The following ZNF596 variants were observed in gnomAD, a reference collection of about 807,000 sequenced individuals.
ZNF596 encodes zinc finger protein 596.
ZNF596 carries 45 observed loss-of-function variants against 48.3 expected under a neutral mutation model. The observed-to-expected ratio is 0.93, with a 90% CI of 0.73 to 1.19. ZNF596 has a LOEUF of 1.19. ZNF596 is among the 50% of genes most tolerant of loss of function. The probability of loss-of-function intolerance (pLI) is 0.00; values close to 1 mark genes in which losing one functional copy is unlikely to be tolerated. For synonymous variants in ZNF596, 270 were observed against 202.0 expected, an observed-to-expected ratio of 1.34 and a Z score of -2.85; for missense variants, 848 against 599.7, an observed-to-expected ratio of 1.41 and a Z score of -4.32.
chr8:237,625 G>A (rs1360834201), intron 1 of ZNF596: 1 of 152,168 alleles, frequency 6.6e-6, no homozygotes, highest in Non-Finnish European at 1.5e-5. Context: ...TACTATTTAT[G>A]TATGTGTGAT....
rs1157663254 is a variant in ZNF596 at position 246,052 on chromosome 8, A to G, written c.1205A>G (p.Glu402Gly). Reference protein sequence around the residue: ...ECHVCGKAFTESSDLRRHERT... With the variant: ...ECHVCGKAFTGSSDLRRHERT... ...CATGTATGTGGGAAAGCCTTCACTG[A>G]ATCTTCTGACCTCAGACGACATGAG... The change falls in exon 6 of 6, where the codon GAA becomes GGA. Residue 402 changes from glutamate (E) to glycine (G), a missense_variant. Coordinates refer to ENST00000398612, the MANE Select transcript of ZNF596 (RefSeq NM_001042416.3). The G allele has an allele frequency of 1.2e-6, 2 of 1,614,146 alleles. No homozygotes were observed. The highest frequency in any genetic ancestry group is 1.7e-6 in the Non-Finnish European group (2 of 1,180,016).
At chr8:234,260 T>A (rs1796538574) in intron 1 of ZNF596, 1 of 152,146 alleles carries the variant, frequency 6.6e-6, no homozygotes, top group African/African-American at 2.4e-5. Flanking sequence ...GACCAGTTGA[T>A]ATACCCACAG....
At chr8:239,893 C>T (rs1796780374) in intron 1 of ZNF596, among the ~76,000 whole-genome samples, 1 of 152,138 alleles carries the variant, frequency 6.6e-6, no homozygotes. Flanking sequence ...GTGATCACCC[C>T]CCATCCTAGA....
At chr8:238,628 C>CATAA (rs1325603338) in intron 1 of ZNF596, among the ~76,000 whole-genome samples, 11 of 39,882 alleles carry the variant, frequency 2.8e-4, no homozygotes, top group African/African-American at 6.6e-4. Flanking sequence ...TGGTGAAATA[C>CATAA]AAAAAAAAAA....
Position 246,890 on chromosome 8 carries a change from T to C in ZNF596, c.*528T>C, listed in dbSNP as rs991360193. ...CCTCTTGAACAATTCCAGACATTCATAGTGGAGAAGTTATTCAATGAAAAC... is the reference window on the plus strand; with the variant it reads ...CCTCTTGAACAATTCCAGACATTCACAGTGGAGAAGTTATTCAATGAAAAC... On this transcript the variant is annotated 3_prime_UTR_variant, in exon 6 of 6. Coordinates refer to ENST00000398612, the MANE Select transcript of ZNF596 (RefSeq NM_001042416.3). 6.5e-6 allele frequency: 1 copy of C among 154,016 alleles called. No homozygotes were observed. The highest frequency in any genetic ancestry group is 1.4e-5 in the Non-Finnish European group (1 of 69,360). 9.5% of individuals were successfully genotyped at this position (154,016 alleles called of 1,614,324 possible).
chr8:242,541 G>C (rs1230468650), intron 2 of ZNF596, among the ~76,000 whole-genome samples: 1 of 152,190 alleles, frequency 6.6e-6, no homozygotes, highest in Non-Finnish European at 1.5e-5. Context: ...TGAGTCTATA[G>C]ATTTTCTTGA....
At chr8:239,125 AAG>A (rs1796745304) in intron 1 of ZNF596, among the ~76,000 whole-genome samples, 1 of 152,166 alleles carries the variant, frequency 6.6e-6, no homozygotes, top group Non-Finnish European at 1.5e-5. Flanking sequence ...CAAGTAGAAA[AAG>A]AATTTTTTAA....
intron 1 of ZNF596, among the ~76,000 whole-genome samples, chr8:239,573 T>G (rs1387405084): frequency 6.6e-6 from 1 of 152,218 alleles, no homozygotes; most frequent in African/African-American, 2.4e-5. Context: ...TTAGCTGATT[T>G]ATTACAAAGG....
At position 246,511 on chromosome 8, in the gene ZNF596, T is replaced by C. The variant is rs1797097489; in HGVS notation, c.*149T>C. The C allele has an allele frequency of 4.9e-6, 5 of 1,016,206 alleles. No individual in the cohort carries two copies. The highest frequency in any genetic ancestry group is 6.9e-6 in the Non-Finnish European group (5 of 720,674). The allele number at this position is 1,016,206 out of a possible 1,614,324, so 62.9% of individuals were successfully genotyped here. A position where few individuals can be genotyped will look rare whatever the true frequency, so the allele number is the denominator to read the frequency against. ...ATTCAAGGTAGAGAGAATCCAGATGTATTTAATGTTTATGGCACAAACTTC... is the reference window on the plus strand; with the variant it reads ...ATTCAAGGTAGAGAGAATCCAGATGCATTTAATGTTTATGGCACAAACTTC... On this transcript the variant is annotated 3_prime_UTR_variant, in exon 6 of 6. Coordinates refer to ENST00000398612, the MANE Select transcript of ZNF596 (RefSeq NM_001042416.3).
intron 1 of ZNF596, among the ~76,000 whole-genome samples, chr8:239,104 A>G (rs571525348): frequency 2.0e-5 from 3 of 152,344 alleles, no homozygotes; most frequent in East Asian, 3.9e-4. Context: ...GAAATTATTC[A>G]ATCAGAAGAG....
intron 1 of ZNF596, among the ~76,000 whole-genome samples, chr8:236,252 T>C (rs1293488401): frequency 1.3e-5 from 2 of 152,208 alleles, no homozygotes; most frequent in African/African-American, 2.4e-5. Flanking sequence ...ACAGGAAATA[T>C]TGATTTCAGA....
chr8:239,501 C>A (rs1796760576), intron 1 of ZNF596, among the ~76,000 whole-genome samples: 1 of 152,172 alleles, frequency 6.6e-6, no homozygotes, highest in South Asian at 2.1e-4. Flanking sequence ...CCGGCAAGAA[C>A]TCCTTTTTAT....
At chr8:243,650 C>G in intron 3 of ZNF596, 72 bp from the exon 4 acceptor site, 1 of 1,480,710 alleles carries the variant, frequency 6.8e-7, no homozygotes, top group South Asian at 1.2e-5. Flanking sequence ...CAGTAGGCTG[C>G]CCTGTATCTG....
chr8:241,036 G>T, intron 2 of ZNF596, 129 bp downstream of exon 2: 1 of 1,157,210 alleles, frequency 8.6e-7, no homozygotes, highest in Middle Eastern at 1.9e-4. Context: ...ATTCCCCAGG[G>T]CTTCGGAATG....
At chr8:239,507 T>C (rs1267725627) in intron 1 of ZNF596, among the ~76,000 whole-genome samples, 1 of 152,166 alleles carries the variant, frequency 6.6e-6, no homozygotes, top group Non-Finnish European at 1.5e-5. Flanking sequence ...AGAACTCCTT[T>C]TTATGTTAGA....
At chr8:238,973 A>G (rs759054677) in intron 1 of ZNF596, among the ~76,000 whole-genome samples, 6 of 152,150 alleles carry the variant, frequency 3.9e-5, no homozygotes, top group Non-Finnish European at 5.9e-5. Context: ...CCATAATAAA[A>G]GAATCAAATA....
At chr8:244,255 G>C in intron 4 of ZNF596, 1 of 232,468 alleles carries the variant, frequency 4.3e-6, no homozygotes, top group South Asian at 7.0e-5. Context: ...ACATTTCTCA[G>C]ATATTGTCAT....
At chr8:243,953 T>C (rs1796957656) in intron 4 of ZNF596, 148 bp downstream of exon 4, 2 of 569,632 alleles carry the variant, frequency 3.5e-6, no homozygotes. Context: ...AGTGGCGTGA[T>C]CTCGGCTCAC....
Position 245,780 on chromosome 8 carries a change from A to G in ZNF596, c.933A>G (p.Leu311=). Residue 311 remains leucine (L), a synonymous_variant, in exon 6 of 6, where the codon CTA becomes CTG. Coordinates refer to ENST00000398612, the MANE Select transcript of ZNF596 (RefSeq NM_001042416.3). ...HLGDKPYGCL[L]CGKAFSKCSY... ...GAGATAAACCATATGGATGTCTCCT[A>G]TGTGGGAAGGCTTTCAGTAAATGTT... 1 of 1,614,136 alleles carries G rather than the reference A, an allele frequency of 6.2e-7. No homozygotes were observed. Among genetic ancestry groups the G allele is most frequent in the Non-Finnish European group, 8.5e-7 (1 of 1,180,014 alleles).
Sources: allele counts gnomAD v4.1 joint callset (sites outside exome capture counted in the v4.1 genomes callset), GRCh38; gene constraint gnomAD v4.1.1; transcripts MANE v1.5; gene names NCBI Gene and HGNC (gene_info 2026-07-23, HGNC 2026-07-21).